HDHD5: variants seen among roughly 807,000 people sequenced by gnomAD.
The protein encoded by HDHD5 is haloacid dehalogenase like hydrolase domain containing 5.
In HDHD5, 34 loss-of-function variants were observed where a neutral mutation model predicts 35.5. The observed-to-expected ratio is 0.96, with a 90% CI of 0.73 to 1.28. The LOEUF (loss-of-function observed/expected upper bound fraction) is 1.28. HDHD5 is among the 50% of genes most tolerant of loss of function. HDHD5 has a pLI of 0.00. For missense variants in HDHD5, 589 were observed against 560.2 expected (o/e 1.05, Z -0.52); for synonymous variants, 248 against 240.6 (o/e 1.03, Z -0.29).
rs144547909 is a variant in HDHD5, at chr22:17,141,128, G to A, written c.677C>T (p.Pro226Leu). ...GSPGAGLATP[P>L]YPHLPVLASN... The stretch of plus-strand genomic sequence containing the variant: ...GGCTAGGACGGGGAGGTGGGGGTAG[G>A]GGGGTGTTGCCAGGCCAGCCCCAGG... The change falls in exon 6 of 8, where the codon CCC becomes CTC. Residue 226 changes from proline to leucine, a missense_variant. Coordinates refer to ENST00000336737, the MANE Select transcript of HDHD5 (RefSeq NM_033070.3). 5.2e-5 allele frequency: 83 copies of A among 1,596,458 alleles called. No individual in the cohort carries two copies. Among genetic ancestry groups the A allele is most frequent in the East Asian group, 1.2e-4 (5 of 43,298 alleles).
intron 5 of HDHD5, chr22:17,142,589 T>A (rs2061611706): frequency 6.6e-6 from 1 of 152,574 alleles, no homozygotes; most frequent in South Asian, 2.1e-4. Flanking sequence ...TCATGGTGAT[T>A]CTGTTTAGTG....
At chr22:17,163,213 C>G (rs1015938919), upstream of HDHD5, among the ~76,000 whole-genome samples, 2 of 152,194 alleles carry the variant, frequency 1.3e-5, no homozygotes, top group Non-Finnish European at 2.9e-5. Flanking sequence ...CAGCTTTTGT[C>G]TCAGAGAGGG....
chr22:17,148,418 C>G (rs780462968), intron 3 of HDHD5, 30 bp downstream of exon 3: 1 of 1,577,060 alleles, frequency 6.3e-7, no homozygotes, highest in Non-Finnish European at 8.7e-7. Context: ...TGCCCCTTCC[C>G]TTCAGCCAGA....
At position 17,149,553 on chromosome 22, in the gene HDHD5, G is replaced by A. The variant is rs1380146249; in HGVS notation, c.319C>T (p.Leu107=). The stretch of plus-strand genomic sequence containing the variant: ...GGCTGCCTTCTCACCTCGCACCCCA[G>A]CAGGGCTGACAGCTCCTGGGCTTTG... ...HSKAQELSAL[L]GCEVDADQVI... The change falls in exon 2 of 8, where the codon CTG becomes TTG. Residue 107 remains leucine (L), a synonymous_variant. Transcript: ENST00000336737. 1 of 1,612,188 alleles carries A rather than the reference G, an allele frequency of 6.2e-7. No homozygotes were observed. Among genetic ancestry groups the A allele is most frequent in the South Asian group, 1.1e-5 (1 of 91,002 alleles).
chr22:17,138,714 C>G lies in HDHD5; in HGVS notation c.771G>C (p.Leu257=). 6.2e-7 allele frequency: 1 copy of G among 1,614,234 alleles called. No homozygotes were observed. Among genetic ancestry groups the G allele is most frequent in the Non-Finnish European group, 8.5e-7 (1 of 1,180,046 alleles). Residue 257 remains leucine (L), a synonymous_variant, in exon 7 of 8, where the codon CTG becomes CTC. Transcript: ENST00000336737. ...CTTTCTGGTAAATGGTTTCCAGGCACAGCAGAAAGGTGCCATGTCCAAACC... is the reference window on the plus strand; with the variant it reads ...CTTTCTGGTAAATGGTTTCCAGGCAGAGCAGAAAGGTGCCATGTCCAAACC... The part of the protein sequence containing the change: ...MPRFGHGTFL[L]CLETIYQKVT...
At position 17,145,262 on chromosome 22, in the gene HDHD5, C is replaced by T. The variant is rs1247951784; in HGVS notation, c.444-145G>A. The T allele has an allele frequency of 5.0e-6, 7 of 1,408,636 alleles. No homozygotes were observed. The East Asian group carries it at 1.8e-4, about 35-fold the overall frequency. The allele number at this position is 1,408,636 out of a possible 1,614,324, so 87.3% of individuals were successfully genotyped here. On this transcript the variant is annotated intron_variant, in intron 3 of 7. Coordinates refer to ENST00000336737, the MANE Select transcript of HDHD5 (RefSeq NM_033070.3). ...CAAGCAGAGCCCAGCAAGGATGGCACAAATCCTGCAGGTGCTGGCAGGCAG... is the reference window on the plus strand; with the variant it reads ...CAAGCAGAGCCCAGCAAGGATGGCATAAATCCTGCAGGTGCTGGCAGGCAG...
At chr22:17,157,736 A>C (rs1462858011) in intron 1 of HDHD5, among the ~76,000 whole-genome samples, 2 of 152,228 alleles carry the variant, frequency 1.3e-5, no homozygotes. Context: ...ACACTGGCCA[A>C]GTCACTCAGC....
chr22:17,162,041 C>G (rs1342910990), upstream of HDHD5, among the ~76,000 whole-genome samples: 8 of 152,134 alleles, frequency 5.3e-5, no homozygotes, highest in African/African-American at 9.7e-5. Context: ...ACCTTGCCCT[C>G]ATTTAGATAA....
chr22:17,145,057 G>A lies in HDHD5; in HGVS notation c.504C>T (p.Asp168=). 6.2e-7 allele frequency: 1 copy of A among 1,614,022 alleles called. No homozygotes were observed. Among genetic ancestry groups the A allele is most frequent in the Non-Finnish European group, 8.5e-7 (1 of 1,180,026 alleles). Residue 168 remains aspartate, a synonymous_variant, in exon 4 of 8, where the codon GAC becomes GAT. Transcript: ENST00000336737. ...DELRMAFPLL[D]MVDLERRLKT... ...TTAGCCGCCGCTCCAGGTCCACCAT[G>A]TCAAGCAGAGGAAAGGCCATCCGCA...
At chr22:17,148,409 G>T in intron 3 of HDHD5, 39 bp downstream of exon 3, 1 of 1,526,166 alleles carries the variant, frequency 6.6e-7, no homozygotes, top group Non-Finnish European at 9.1e-7. Context: ...CCTCAGCCCT[G>T]CCCCTTCCCT....
chr22:17,147,787 GC>G (rs1568944946), intron 3 of HDHD5, among the ~76,000 whole-genome samples: 1 of 125,430 alleles, frequency 8.0e-6, no homozygotes, highest in East Asian at 2.6e-4. Flanking sequence ...CACCTGTGAC[GC>G]CCTCCTGTGA....
chr22:17,160,238 T>A (rs1601408489), upstream of HDHD5, among the ~76,000 whole-genome samples: 1 of 151,914 alleles, frequency 6.6e-6, no homozygotes, highest in East Asian at 1.9e-4. Flanking sequence ...CAGGCCAGGG[T>A]GCGGTGGCTC....
chr22:17,159,819 G>C (rs1441382251), upstream of HDHD5: 1 of 279,562 alleles, frequency 3.6e-6, no homozygotes, highest in African/African-American at 2.4e-5. Flanking sequence ...GAGAGGTAGA[G>C]GCACGAATGT....
intron 1 of HDHD5, among the ~76,000 whole-genome samples, chr22:17,164,379 C>T (rs1416435026): frequency 6.6e-6 from 1 of 152,182 alleles, no homozygotes; most frequent in Non-Finnish European, 1.5e-5. Flanking sequence ...GGCTGTAAGA[C>T]ACAGAAACCT....
At chr22:17,141,363 C>G in intron 5 of HDHD5, 130 bp from the exon 6 acceptor site, 1 of 1,423,216 alleles carries the variant, frequency 7.0e-7, no homozygotes, top group Non-Finnish European at 9.1e-7. Flanking sequence ...AGGGGCACAG[C>G]TCCCCAACAA....
rs770998254 is a variant in HDHD5 at position 17,145,101 on chromosome 22, C to T, written c.460G>A (p.Val154Ile). 1 of 1,614,012 alleles carries T rather than the reference C, an allele frequency of 6.2e-7. No homozygotes were observed. Reference sequence around the variant, plus strand: ...ATCCGCAGCTCATCCACGGTGACGACATTTCGGAAGCCCAGTCTGGAGCAA... The same window carrying T: ...ATCCGCAGCTCATCCACGGTGACGATATTTCGGAAGCCCAGTCTGGAGCAA... ...ENAQGLGFRN[V>I]VTVDELRMAF... The change falls in exon 4 of 8, where the codon GTC becomes ATC. Residue 154 changes from valine (V) to isoleucine (I), a missense_variant. Transcript: ENST00000336737.
chr22:17,143,318 A>C, intron 4 of HDHD5, 187 bp from the exon 5 acceptor site: 5 of 551,696 alleles, frequency 9.1e-6, no homozygotes, highest in East Asian at 3.5e-5. Context: ...CGAAAAGACA[A>C]TGGCCAGGTG....
chr22:17,162,572 T>C (rs1363679468), upstream of HDHD5, among the ~76,000 whole-genome samples: 6 of 152,348 alleles, frequency 3.9e-5, 1 homozygote, highest in East Asian at 9.6e-4. Context: ...TTGGTTTGTT[T>C]GTCTGTTTGT....
At chr22:17,139,585 C>T (rs1349519588) in intron 6 of HDHD5, among the ~76,000 whole-genome samples, 1 of 151,984 alleles carries the variant, frequency 6.6e-6, no homozygotes, top group Non-Finnish European at 1.5e-5. Context: ...CTGCCCTCCC[C>T]AACTCCTTCT....
Sources: gnomAD v4.1 joint callset for allele counts (sites outside exome capture counted in the v4.1 genomes callset) on GRCh38, gnomAD v4.1.1 for gene constraint, MANE v1.5 for transcripts, NCBI Gene and HGNC (gene_info 2026-07-23, HGNC 2026-07-21) for gene names.